Variants in KMT5A observed in about 807,000 individuals in gnomAD.
The protein encoded by KMT5A is N-lysine methyltransferase KMT5A.
In KMT5A, 6 loss-of-function variants were observed where a neutral mutation model predicts 40.6. The ratio of observed to expected loss-of-function variants is 0.15; its 90% CI spans 0.08 to 0.29. The LOEUF (loss-of-function observed/expected upper bound fraction) is 0.29, where lower values mean the gene tolerates loss of function less well. Among genes scored for constraint, KMT5A ranks in the 10% least tolerant of loss-of-function variants. The pLI, the probability that KMT5A is intolerant of heterozygous loss-of-function variation, is 1.00. For synonymous variants in KMT5A, 153 were observed against 178.8 expected (o/e 0.86, Z 1.15); for missense variants, 308 against 459.1 (o/e 0.67, Z 3.01).
In KMT5A at chr12:123,384,789, C is replaced by T. The variant is rs1876768488; in HGVS notation, c.10+581C>T. ...GGTAAAACGGGTTCCTGGCATCTCG[C>T]GGGCGCGGTCGTTCGCCCCGCATCT... On this transcript the variant is annotated intron_variant, in intron 1 of 7. Coordinates refer to ENST00000402868, the MANE Select transcript of KMT5A (RefSeq NM_020382.7). The surrounding 1 kb of genome is among the most constrained non-coding windows in gnomAD (Gnocchi z 5.7). 6.6e-6 allele frequency among the ~76,000 whole-genome samples: 1 copy of T among 152,246 alleles called. No individual in the cohort carries two copies. The highest frequency in any genetic ancestry group is 1.5e-5 in the Non-Finnish European group (1 of 68,038).
At chr12:123,392,597 A>G (rs1877393654) in intron 3 of KMT5A, among the ~76,000 whole-genome samples, 4 of 152,118 alleles carry the variant, frequency 2.6e-5, no homozygotes, top group Admixed American at 2.6e-4. Flanking sequence ...CCAGGAGTTT[A>G]AAGCTGCAGT....
chr12:123,399,055 A>G (rs1456646220), intron 5 of KMT5A, among the ~76,000 whole-genome samples: 2 of 152,246 alleles, frequency 1.3e-5, no homozygotes, highest in South Asian at 2.1e-4. Context: ...CTATCCACCA[A>G]GTGCTTCACT....
At chr12:123,406,300 A>G (rs890297514) in intron 7 of KMT5A, among the ~76,000 whole-genome samples, 1 of 151,930 alleles carries the variant, frequency 6.6e-6, no homozygotes. Flanking sequence ...GTGGAGTTGA[A>G]TTTTTTATTT....
intron 5 of KMT5A, among the ~76,000 whole-genome samples, chr12:123,397,198 A>G (rs1484094545): frequency 6.6e-6 from 1 of 152,248 alleles, no homozygotes; most frequent in Non-Finnish European, 1.5e-5. Flanking sequence ...GGGTTGAGCT[A>G]TGCGGCAGGC....
intron 7 of KMT5A, among the ~76,000 whole-genome samples, 188 bp downstream of exon 7, chr12:123,405,262 C>T (rs1157120965): frequency 8.1e-5 from 12 of 148,200 alleles, no homozygotes; most frequent in African/African-American, 2.7e-4. Context: ...GGTGTGATCT[C>T]GGCTCATTGC....
intron 5 of KMT5A, among the ~76,000 whole-genome samples, chr12:123,398,485 T>G (rs1197556958): frequency 6.6e-6 from 1 of 152,026 alleles, no homozygotes; most frequent in Admixed American, 6.6e-5. Context: ...CTGGGCAGAG[T>G]GAAGGCTGCG....
chr12:123,401,216 T>C (rs1878139117), intron 5 of KMT5A, among the ~76,000 whole-genome samples: 5 of 142,152 alleles, frequency 3.5e-5, no homozygotes, highest in Admixed American at 2.2e-4. Flanking sequence ...TGGCGCGATC[T>C]TGGCTCACTG....
chr12:123,400,970 T>G (rs1364610720), intron 5 of KMT5A, among the ~76,000 whole-genome samples: 5 of 151,420 alleles, frequency 3.3e-5, no homozygotes, highest in African/African-American at 4.9e-5. Context: ...GATTTTTGTA[T>G]TTTTAGTAGA....
chr12:123,401,136 A>G (rs1400630095), intron 5 of KMT5A, among the ~76,000 whole-genome samples: 5 of 122,322 alleles, frequency 4.1e-5, no homozygotes, highest in Non-Finnish European at 8.3e-5. Context: ...CCACCAATAT[A>G]TATCTTTCTT....
chr12:123,395,362 C>A, intron 4 of KMT5A, 96 bp downstream of exon 4: 1 of 1,198,138 alleles, frequency 8.3e-7, no homozygotes. Flanking sequence ...GTTCAGTGGC[C>A]ACCTCTCAGC....
At chr12:123,390,539 C>G (rs982247855) in intron 2 of KMT5A, 91 bp from the exon 3 acceptor site, 12 of 1,498,796 alleles carry the variant, frequency 8.0e-6, no homozygotes, top group Middle Eastern at 2.5e-4. Context: ...ACGGTGTTGT[C>G]TGATTTTCAT....
At chr12:123,405,721 A>T (rs957903818) in intron 7 of KMT5A, among the ~76,000 whole-genome samples, 1 of 151,068 alleles carries the variant, frequency 6.6e-6, no homozygotes, top group African/African-American at 2.4e-5. Flanking sequence ...GGGTTTCATT[A>T]TGTTGGCCAG....
intron 3 of KMT5A, among the ~76,000 whole-genome samples, chr12:123,392,821 G>A (rs1466584802): frequency 6.6e-6 from 1 of 152,164 alleles, no homozygotes; most frequent in Non-Finnish European, 1.5e-5. Context: ...AATTCTCTCT[G>A]ATTTCACCCA....
In KMT5A at chr12:123,384,285, G is replaced by C; in HGVS notation, c.10+77G>C. ...GAGGGGTTGCCGGGGTGGAGGCAGC[G>C]GCTGCGGGGAGGCGTCCTCCTCGGG... On this transcript the variant is annotated intron_variant, in intron 1 of 7. Transcript: ENST00000402868. The surrounding 1 kb of genome is among the most constrained non-coding windows in gnomAD (Gnocchi z 5.7). 6.3e-7 allele frequency: 1 copy of C among 1,584,100 alleles called. No homozygotes were observed. The highest frequency in any genetic ancestry group is 8.6e-7 in the Non-Finnish European group (1 of 1,166,622).
rs1878690496 is a variant in KMT5A, at chr12:123,408,055, C to T, written c.*352C>T. 1 of 247,330 alleles carries T rather than the reference C, an allele frequency of 4.0e-6. No homozygotes were observed. The highest frequency in any genetic ancestry group is 8.0e-6 in the Non-Finnish European group (1 of 125,432). 15.3% of individuals were successfully genotyped at this position (247,330 alleles called of 1,614,324 possible). On this transcript the variant is annotated 3_prime_UTR_variant, in exon 8 of 8. Transcript: ENST00000402868. Reference sequence around the variant, plus strand: ...TGAACTAGGAAGCCAGGTGAGTCTCCTTTCTCCAGTGGAAGAGCCGGGACC... The same window carrying T: ...TGAACTAGGAAGCCAGGTGAGTCTCTTTTCTCCAGTGGAAGAGCCGGGACC...
intron 3 of KMT5A, among the ~76,000 whole-genome samples, chr12:123,394,109 T>TA (rs1000743861): frequency 3.4e-5 from 5 of 146,986 alleles, no homozygotes; most frequent in Non-Finnish European, 3.0e-5. Flanking sequence ...TTTTTCTTTT[T>TA]TTTTTTTTTT....
chr12:123,395,102 G>A lies in KMT5A; in HGVS notation c.345G>A (p.Lys115=). 6.3e-7 allele frequency: 1 copy of A among 1,599,046 alleles called. No individual in the cohort carries two copies. The highest frequency in any genetic ancestry group is 8.5e-7 in the Non-Finnish European group (1 of 1,172,616). ...GCGCCATGAAGTCCGAGGAACAGAA[G>A]ATCAAAGACGCCAGGAAAGGTCCCC... ...VRSAMKSEEQ[K]IKDARKGPLV... Residue 115 remains lysine (K), a synonymous_variant, in exon 4 of 8, where the codon AAG becomes AAA. Coordinates refer to ENST00000402868, the MANE Select transcript of KMT5A (RefSeq NM_020382.7).
intron 1 of KMT5A, among the ~76,000 whole-genome samples, chr12:123,385,572 C>T (rs1593450699): frequency 6.6e-6 from 1 of 152,100 alleles, no homozygotes; most frequent in African/African-American, 2.4e-5. Context: ...ATAATTATGG[C>T]CAGGCATGGT....
intron 5 of KMT5A, 88 bp downstream of exon 5, chr12:123,396,520 G>A: frequency 7.8e-7 from 1 of 1,276,728 alleles, no homozygotes. Flanking sequence ...TGTGTCCTCA[G>A]CCTTGTTTTC....
Sources: allele counts gnomAD v4.1 joint callset (sites outside exome capture counted in the v4.1 genomes callset), GRCh38; gene constraint gnomAD v4.1.1; non-coding constraint Gnocchi (gnomAD v3.1); transcripts MANE v1.5; gene names NCBI Gene and HGNC (gene_info 2026-07-23, HGNC 2026-07-21).